RAD51B: variants seen among roughly 807,000 people sequenced by gnomAD.
The protein encoded by RAD51B is RAD51 paralog B.
RAD51B carries 38 observed loss-of-function variants against 42.2 expected under a neutral mutation model. The observed-to-expected ratio is 0.90, with a 90% confidence interval of 0.70 to 1.18. RAD51B has a LOEUF of 1.18. RAD51B is among the 50% of genes most tolerant of loss of function. RAD51B has a pLI of 0.00. For synonymous variants in RAD51B, 154 were observed against 145.2 expected (o/e 1.06, Z -0.43); for missense variants, 373 against 400.7 (o/e 0.93, Z 0.59).
intron 7 of RAD51B, among the ~76,000 whole-genome samples, chr14:68,139,268 G>GT (rs34284246): frequency 0.12 from 17,284 of 143,298 alleles, 2,675 homozygotes; most frequent in African/African-American, 0.36. Context: ...ATTCTAAATG[G>GT]TTTTTTTTTT....
chr14:68,338,917 A>G, intron 8 of RAD51B: 2 of 656,136 alleles, frequency 3.0e-6, no homozygotes, highest in Non-Finnish European at 5.7e-6. Context: ...ACCTTTGTGA[A>G]GACAACAGTG....
At chr14:68,165,609 T>C (rs1454913552) in intron 7 of RAD51B, among the ~76,000 whole-genome samples, 1 of 152,174 alleles carries the variant, frequency 6.6e-6, no homozygotes, top group Non-Finnish European at 1.5e-5. Flanking sequence ...GACTCATTAT[T>C]TCACACTAGC....
chr14:67,943,807 G>A (rs535310500), intron 7 of RAD51B, among the ~76,000 whole-genome samples: 1 of 152,204 alleles, frequency 6.6e-6, no homozygotes, highest in South Asian at 2.1e-4. Context: ...TGACACGTGG[G>A]TTATAATGAG....
At chr14:68,432,435 C>A (rs1446564455) in intron 9 of RAD51B, among the ~76,000 whole-genome samples, 1 of 152,160 alleles carries the variant, frequency 6.6e-6, no homozygotes, top group African/African-American at 2.4e-5. Context: ...CTGGGTGCTC[C>A]TGTATTGGGT....
intron 7 of RAD51B, among the ~76,000 whole-genome samples, chr14:68,177,629 G>A (rs2078986258): frequency 6.6e-6 from 1 of 151,126 alleles, no homozygotes; most frequent in Non-Finnish European, 1.5e-5. Context: ...TGGGGAATGA[G>A]AGAAAGGGAA....
chr14:68,456,816 C>T (rs2085698967), intron 9 of RAD51B, among the ~76,000 whole-genome samples: 1 of 131,656 alleles, frequency 7.6e-6, no homozygotes, highest in South Asian at 2.6e-4. Context: ...AGTTGAGCCT[C>T]AATAAATTTA....
At chr14:68,578,226 G>A (rs1890051039) in intron 10 of RAD51B, among the ~76,000 whole-genome samples, 2 of 152,174 alleles carry the variant, frequency 1.3e-5, no homozygotes, top group Admixed American at 1.3e-4. Context: ...AGGAGTTCGA[G>A]ACCAACCTGG....
intron 10 of RAD51B, among the ~76,000 whole-genome samples, chr14:68,586,210 CTAT>C (rs1394703587): frequency 6.6e-6 from 1 of 152,132 alleles, no homozygotes; most frequent in African/African-American, 2.4e-5. Context: ...GCCCTGAGGA[CTAT>C]TCAAAGCTGG....
At chr14:68,443,257 A>C (rs1312259381) in intron 9 of RAD51B, among the ~76,000 whole-genome samples, 2 of 152,222 alleles carry the variant, frequency 1.3e-5, no homozygotes, top group Non-Finnish European at 2.9e-5. Context: ...CTTCTTGGCC[A>C]GGGTCTGAGA....
At chr14:68,136,575 C>CAAAAAAAAAAAAAAAAAAAAAAAA (rs1204817902) in intron 7 of RAD51B, among the ~76,000 whole-genome samples, 2 of 4,454 alleles carry the variant, frequency 4.5e-4, no homozygotes, top group African/African-American at 7.1e-4. Context: ...GACTCCATCT[C>CAAAAAAAAAAAAAAAAAAAAAAAA]AAAAAAAAAA....
At chr14:68,082,088 G>A (rs1019918780) in intron 7 of RAD51B, among the ~76,000 whole-genome samples, 5 of 152,106 alleles carry the variant, frequency 3.3e-5, no homozygotes, top group Non-Finnish European at 7.4e-5. Context: ...AGCCTCCTGA[G>A]TAGCTGGGAC....
intron 7 of RAD51B, among the ~76,000 whole-genome samples, chr14:67,942,831 A>G (rs924106153): frequency 6.6e-6 from 1 of 152,184 alleles, no homozygotes; most frequent in African/African-American, 2.4e-5. Flanking sequence ...TAAAAATATG[A>G]TGTCTGAATT....
At chr14:67,821,569 C>T (rs1262551406) in intron 1 of RAD51B, among the ~76,000 whole-genome samples, 1 of 152,170 alleles carries the variant, frequency 6.6e-6, no homozygotes, top group African/African-American at 2.4e-5. Flanking sequence ...GTGATCCTCT[C>T]ATCTCAGCCT....
intron 5 of RAD51B, among the ~76,000 whole-genome samples, chr14:67,875,921 C>G (rs908320659): frequency 2.6e-5 from 4 of 152,020 alleles, no homozygotes; most frequent in African/African-American, 9.7e-5. Context: ...AATCTTTGAC[C>G]CAGAAAGAAA....
At chr14:67,824,521 G>C (rs1345296152) in intron 2 of RAD51B, among the ~76,000 whole-genome samples, 1 of 151,420 alleles carries the variant, frequency 6.6e-6, no homozygotes, top group South Asian at 2.1e-4. Flanking sequence ...GCCTCCCAAA[G>C]TGCTAGCATT....
At chr14:68,331,446 T>TAA (rs61574391) in intron 8 of RAD51B, among the ~76,000 whole-genome samples, 4 of 143,252 alleles carry the variant, frequency 2.8e-5, no homozygotes, top group East Asian at 4.0e-4. Flanking sequence ...ACTTAAAGTT[T>TAA]AAAAAAAAAA....
intron 10 of RAD51B, among the ~76,000 whole-genome samples, chr14:68,569,658 C>T (rs1021407172): frequency 2.6e-5 from 4 of 152,212 alleles, no homozygotes; most frequent in South Asian, 2.1e-4. Context: ...AGATGCCGAA[C>T]GTCCCTTATT....
chr14:68,367,312 C>G (rs2083162283), intron 8 of RAD51B, among the ~76,000 whole-genome samples: 1 of 152,154 alleles, frequency 6.6e-6, no homozygotes, highest in Non-Finnish European at 1.5e-5. Context: ...ATGATCTAGA[C>G]TAAATTACAT....
At chr14:67,952,813 A>G (rs2140210905) in intron 7 of RAD51B, among the ~76,000 whole-genome samples, 1 of 152,278 alleles carries the variant, frequency 6.6e-6, no homozygotes, top group East Asian at 1.9e-4. Flanking sequence ...GATTATTGGC[A>G]GAGTGCAACT....
Sources: allele counts gnomAD v4.1 joint callset (sites outside exome capture counted in the v4.1 genomes callset), GRCh38; gene constraint gnomAD v4.1.1; transcripts MANE v1.5; gene names NCBI Gene and HGNC (gene_info 2026-07-23, HGNC 2026-07-21).